The following TRMT11 variants were observed in gnomAD, a reference collection of about 807,000 sequenced individuals.
The protein encoded by TRMT11 is tRNA (guanine(10)-N(2))-methyltransferase TRMT11.
Under a neutral mutation model 62.8 loss-of-function variants are expected in TRMT11, and 53 were observed. That is an observed-to-expected ratio of 0.84 (90% confidence interval 0.68 to 1.06). TRMT11 has a LOEUF of 1.06. Among genes scored for constraint, TRMT11 ranks in the 50% least tolerant of loss-of-function variants. TRMT11 has a pLI of 0.00. For synonymous variants in TRMT11, 188 were observed against 190.3 expected (o/e 0.99, Z 0.10); for missense variants, 556 against 553.4 (o/e 1.00, Z -0.05).
At chr6:126,192,954 T>C (rs1778620328) in intron 1 of TRMT11, among the ~76,000 whole-genome samples, 1 of 152,212 alleles carries the variant, frequency 6.6e-6, no homozygotes, top group South Asian at 2.1e-4. Context: ...AGAATGTGTT[T>C]GTGAGTATTC....
intron 21 of TRMT11, among the ~76,000 whole-genome samples, chr6:126,122,835 A>G (rs951435595): frequency 1.3e-5 from 2 of 152,124 alleles, no homozygotes; most frequent in Non-Finnish European, 2.9e-5. Context: ...TCTGCTTCAT[A>G]TCAGTGATTT....
intron 17 of TRMT11, among the ~76,000 whole-genome samples, chr6:126,063,839 G>A (rs1185012505): frequency 2.6e-5 from 4 of 152,320 alleles, no homozygotes; most frequent in East Asian, 1.9e-4. Context: ...GGGAGGATCC[G>A]AGCCTTCTGG....
At chr6:126,008,165 A>G (rs958086812) in intron 7 of TRMT11, among the ~76,000 whole-genome samples, 1 of 152,084 alleles carries the variant, frequency 6.6e-6, no homozygotes, top group African/African-American at 2.4e-5. Context: ...GCTGTTTAAA[A>G]TAATGATGCC....
At chr6:126,000,634 G>C (rs1485022177) in intron 7 of TRMT11, among the ~76,000 whole-genome samples, 1 of 152,048 alleles carries the variant, frequency 6.6e-6, no homozygotes, top group East Asian at 1.9e-4. Flanking sequence ...TCTGCATTGG[G>C]ATCTGCCAAC....
chr6:126,161,999 A>G (rs1284050324), intron 21 of TRMT11, among the ~76,000 whole-genome samples: 1 of 152,110 alleles, frequency 6.6e-6, no homozygotes, highest in East Asian at 1.9e-4. Flanking sequence ...ATTTTCTCCC[A>G]TTCTGTGGGT....
chr6:126,131,031 T>C (rs1562329727), intron 21 of TRMT11, among the ~76,000 whole-genome samples: 1 of 152,148 alleles, frequency 6.6e-6, no homozygotes, highest in Non-Finnish European at 1.5e-5. Flanking sequence ...GAGCCAAGTC[T>C]ATTTATGTTG....
At chr6:126,151,309 T>C (rs1367156157) in intron 21 of TRMT11, among the ~76,000 whole-genome samples, 1 of 152,186 alleles carries the variant, frequency 6.6e-6, no homozygotes, top group African/African-American at 2.4e-5. Flanking sequence ...GTTACTTGCT[T>C]AAGTTCCCTT....
the TRMT11 span, among the ~76,000 whole-genome samples, chr6:126,262,060 A>T: frequency 6.6e-6 from 1 of 152,224 alleles, no homozygotes; most frequent in Non-Finnish European, 1.5e-5. Context: ...CTGCGGGACC[A>T]GCTACTGGGT....
At chr6:126,004,261 T>TA (rs1440244666) in intron 7 of TRMT11, among the ~76,000 whole-genome samples, 2 of 151,934 alleles carry the variant, frequency 1.3e-5, no homozygotes, top group Admixed American at 6.6e-5. Context: ...TATGGACCAT[T>TA]TATAGTGTGT....
chr6:126,144,950 T>C (rs932453084), intron 21 of TRMT11, among the ~76,000 whole-genome samples: 2 of 152,168 alleles, frequency 1.3e-5, no homozygotes, highest in Non-Finnish European at 2.9e-5. Context: ...TTAAAATAAT[T>C]TTTCACTTAA....
chr6:126,261,920 G>A, the TRMT11 span, among the ~76,000 whole-genome samples: 4 of 152,132 alleles, frequency 2.6e-5, no homozygotes, highest in African/African-American at 9.7e-5. Context: ...ACACGGCAAG[G>A]CTGGGAGGTC....
At chr6:126,160,442 C>G (rs540751199) in intron 21 of TRMT11, among the ~76,000 whole-genome samples, 39 of 151,790 alleles carry the variant, frequency 2.6e-4, no homozygotes, top group Middle Eastern at 3.4e-3. Context: ...CACCATCTTT[C>G]TAGACCTCAT....
At chr6:126,062,344 C>T (rs186564594) in intron 17 of TRMT11, among the ~76,000 whole-genome samples, 3 of 152,344 alleles carry the variant, frequency 2.0e-5, no homozygotes, top group East Asian at 3.9e-4. Flanking sequence ...TTTTGAATCA[C>T]TACAACTTTA....
chr6:126,201,212 G>C (rs1300225360), intron 3 of TRMT11, among the ~76,000 whole-genome samples: 1 of 152,142 alleles, frequency 6.6e-6, no homozygotes, highest in African/African-American at 2.4e-5. Context: ...TTCGGAAACA[G>C]TTTTGAATAT....
intron 17 of TRMT11, among the ~76,000 whole-genome samples, chr6:126,058,887 G>A (rs1047751466): frequency 3.3e-5 from 5 of 152,010 alleles, no homozygotes; most frequent in African/African-American, 1.2e-4. Context: ...TAGGGCCCAC[G>A]GAGATGACTG....
chr6:126,242,399 A>G, the TRMT11 span, among the ~76,000 whole-genome samples: 1 of 152,202 alleles, frequency 6.6e-6, no homozygotes, highest in Non-Finnish European at 1.5e-5. Flanking sequence ...CCATCAAGCT[A>G]CCAATGACTT....
At chr6:126,008,288 A>G (rs1252597622) in intron 7 of TRMT11, 104 bp from the exon 8 acceptor site, 1 of 949,910 alleles carries the variant, frequency 1.1e-6, no homozygotes. Flanking sequence ...TCATTCCAGG[A>G]TACTCTGCCT....
At chr6:126,067,972 A>G (rs1441467582) in intron 17 of TRMT11, among the ~76,000 whole-genome samples, 1 of 152,086 alleles carries the variant, frequency 6.6e-6, no homozygotes, top group Non-Finnish European at 1.5e-5. Flanking sequence ...AAAATGTACA[A>G]CTCTTTAGCA....
At chr6:126,013,248 A>G in intron 11 of TRMT11, 147 bp downstream of exon 11, 1 of 760,406 alleles carries the variant, frequency 1.3e-6, no homozygotes, top group South Asian at 2.2e-5. Context: ...TGTGTATAAA[A>G]TAGTCTTTTT....
Sources: gnomAD v4.1 joint callset for allele counts (sites outside exome capture counted in the v4.1 genomes callset) on GRCh38, gnomAD v4.1.1 for gene constraint, MANE v1.5 for transcripts, NCBI Gene and HGNC (gene_info 2026-07-23, HGNC 2026-07-21) for gene names.